Variants in ESF1 observed in about 807,000 individuals in gnomAD.
ESF1 encodes ESF1 nucleolar pre-rRNA processing protein, also known as ESF1 homolog.
A neutral mutation model predicts 92.0 loss-of-function variants in ESF1; 58 were observed. The observed-to-expected ratio is 0.63, with a 90% CI of 0.51 to 0.78. The LOEUF is 0.78. Among genes scored for constraint, ESF1 ranks in the 30% least tolerant of loss-of-function variants. The pLI is 0.00. For synonymous variants in ESF1, 321 were observed against 313.7 expected, an observed-to-expected ratio of 1.02 and a Z score of -0.24; for missense variants, 922 against 989.1, an observed-to-expected ratio of 0.93 and a Z score of 0.91.
chr20:13,727,984 A>G (rs2049913304), intron 11 of ESF1, among the ~76,000 whole-genome samples: 2 of 152,242 alleles, frequency 1.3e-5, no homozygotes, highest in Non-Finnish European at 2.9e-5. Flanking sequence ...TTCTTGATAG[A>G]CTTTGCTGAG....
At chr20:13,720,637 T>G (rs2147718257) in intron 11 of ESF1, among the ~76,000 whole-genome samples, 1 of 152,268 alleles carries the variant, frequency 6.6e-6, no homozygotes, top group Non-Finnish European at 1.5e-5. Flanking sequence ...TAGACTATAG[T>G]GAACTAAAAA....
chr20:13,761,645 C>T (rs1176537309), intron 8 of ESF1, among the ~76,000 whole-genome samples: 3 of 152,042 alleles, frequency 2.0e-5, no homozygotes, highest in East Asian at 3.9e-4. Flanking sequence ...CCAACGATCT[C>T]ATTAATATAT....
intron 11 of ESF1, among the ~76,000 whole-genome samples, chr20:13,720,319 G>C (rs147095304): frequency 7.7e-4 from 117 of 152,170 alleles, no homozygotes; most frequent in Admixed American, 6.2e-3. Context: ...ACCACCTAGA[G>C]AGCCTAAGAA....
At position 13,776,249 on chromosome 20, in the gene ESF1, CTTGTCA is replaced by C; in HGVS notation, c.653_658del (p.Met218_Thr219del). ...TGAGTTTTCATAACCATCACTGTCT[CTTGTCA>C]TTATGAGTTGAACCACTGCAAAATG... On this transcript the variant is annotated inframe_deletion, in exon 3 of 14. Transcript: ENST00000617257. The C allele has an allele frequency of 1.9e-6, 3 of 1,612,692 alleles. No individual in the cohort carries two copies. The highest frequency in any genetic ancestry group is 2.5e-6 in the Non-Finnish European group (3 of 1,179,518).
intron 9 of ESF1, among the ~76,000 whole-genome samples, chr20:13,755,911 T>TA (rs1306430225): frequency 6.6e-6 from 1 of 152,180 alleles, no homozygotes; most frequent in Non-Finnish European, 1.5e-5. Flanking sequence ...CAATAAATGT[T>TA]AGTGATTAAG....
At chr20:13,721,876 A>G (rs1054602079) in intron 11 of ESF1, among the ~76,000 whole-genome samples, 4 of 152,144 alleles carry the variant, frequency 2.6e-5, no homozygotes, top group African/African-American at 9.7e-5. Flanking sequence ...GGAATAATAT[A>G]CGAATCTTAA....
intron 9 of ESF1, among the ~76,000 whole-genome samples, chr20:13,756,011 G>A (rs1229207526): frequency 2.0e-5 from 3 of 152,134 alleles, no homozygotes; most frequent in Admixed American, 1.3e-4. Flanking sequence ...CTGACCCTCC[G>A]TGGTTTACTG....
chr20:13,741,999 T>C (rs958019455), intron 9 of ESF1, among the ~76,000 whole-genome samples: 2 of 152,130 alleles, frequency 1.3e-5, no homozygotes, highest in African/African-American at 4.8e-5. Context: ...ATGTTCAATC[T>C]CATTGGTGAC....
chr20:13,726,621 A>G (rs1025209207), intron 11 of ESF1, among the ~76,000 whole-genome samples: 1 of 152,164 alleles, frequency 6.6e-6, no homozygotes, highest in African/African-American at 2.4e-5. Flanking sequence ...CATACTATTT[A>G]TCTGTCTAAC....
intron 2 of ESF1, among the ~76,000 whole-genome samples, chr20:13,779,781 C>T (rs555556453): frequency 2.6e-5 from 4 of 152,296 alleles, no homozygotes; most frequent in African/African-American, 7.2e-5. Flanking sequence ...GCAATCCACC[C>T]GCCTCGGTCT....
intron 9 of ESF1, among the ~76,000 whole-genome samples, chr20:13,755,139 C>T (rs1168085948): frequency 6.6e-6 from 1 of 152,076 alleles, no homozygotes; most frequent in Non-Finnish European, 1.5e-5. Context: ...TAGAATAATT[C>T]CCGGCACAGA....
Position 13,782,655 on chromosome 20 carries a change from T to G in ESF1, c.486A>C (p.Thr162=). The part of the protein sequence containing the change: ...ISPKKDSKEF[T]QKNKKEKKNI... ...TTTTTTTCTCTTTCTTATTTTTTTG[T>G]GTAAATTCTTTGCTATCCTTCTTCG... is the stretch of plus-strand genomic sequence containing the variant. The change falls in exon 2 of 14, where the codon ACA becomes ACC. Residue 162 remains threonine (T), a synonymous_variant. Coordinates refer to ENST00000617257, the MANE Select transcript of ESF1 (RefSeq NM_001276380.2). The G allele has an allele frequency of 6.2e-7, 1 of 1,605,880 alleles. No individual in the cohort carries two copies. The highest frequency in any genetic ancestry group is 8.5e-7 in the Non-Finnish European group (1 of 1,177,690).
chr20:13,773,004 T>C (rs955611251), intron 4 of ESF1, among the ~76,000 whole-genome samples: 4 of 152,142 alleles, frequency 2.6e-5, no homozygotes, highest in African/African-American at 2.4e-5. Context: ...AATAAACATA[T>C]AATGAAGATC....
At chr20:13,761,392 T>C (rs1314154749) in intron 8 of ESF1, among the ~76,000 whole-genome samples, 2 of 134,370 alleles carry the variant, frequency 1.5e-5, no homozygotes, top group Middle Eastern at 3.8e-3. Flanking sequence ...AAAAAATAAA[T>C]AAAATAAAAA....
chr20:13,751,201 A>C (rs2147752744), intron 9 of ESF1, among the ~76,000 whole-genome samples: 1 of 152,350 alleles, frequency 6.6e-6, no homozygotes, highest in East Asian at 1.9e-4. Context: ...GAACATGTGC[A>C]ACGAAAAGTG....
Position 13,759,709 on chromosome 20 carries a change from T to G in ESF1, c.1811A>C (p.Glu604Ala), listed in dbSNP as rs77947586. The G allele has an allele frequency of 1.3e-4, 200 of 1,577,246 alleles. No homozygotes were observed. In the African/African-American group the frequency reaches 2.6e-3, roughly 21 times the overall value. Reference protein sequence around the residue: ...KKGKENDMEMEIKWVPGLKES... With the variant: ...KKGKENDMEMAIKWVPGLKES... ...ATTCTTACCTGGAACCCATTTAATT[T>G]CCATTTCCATATCATTTTCTTTGCC... Residue 604 changes from glutamate (E) to alanine (A), a missense_variant, in exon 9 of 14, where the codon GAA becomes GCA. Physicochemically the swap from Glu to Ala is moderately radical, Grantham distance 107. Coordinates refer to ENST00000617257, the MANE Select transcript of ESF1 (RefSeq NM_001276380.2).
At position 13,728,393 on chromosome 20, in the gene ESF1, C is replaced by G. The variant is rs761996367; in HGVS notation, c.2023G>C (p.Glu675Gln). Residue 675 changes from glutamate to glutamine, a missense_variant, in exon 11 of 14, where the codon GAA (glutamate) becomes CAA (glutamine). Physicochemically the swap from Glu to Gln is conservative, Grantham distance 29. Transcript: ENST00000617257. The stretch of plus-strand genomic sequence containing the variant: ...GCTGGCTTACCTATTTGTTTAACTT[C>G]TTCAGCAAAGTATGGGTCATTCAAA... ...VDLNDPYFAE[E>Q]VKQIGINKKS... 4 of 1,611,792 alleles carry G rather than the reference C, an allele frequency of 2.5e-6. No homozygotes were observed. The African/African-American group carries it at 5.3e-5, about 22-fold the overall frequency.
chr20:13,718,876 C>T, intron 12 of ESF1, 32 bp downstream of exon 12: 1 of 1,493,034 alleles, frequency 6.7e-7, no homozygotes, highest in South Asian at 1.2e-5. Flanking sequence ...TATGAATTAT[C>T]CACTAAGCAT....
chr20:13,746,721 G>A (rs1156851519), intron 9 of ESF1, among the ~76,000 whole-genome samples: 2 of 152,128 alleles, frequency 1.3e-5, no homozygotes, highest in Admixed American at 1.3e-4. Context: ...GCATTTCTAA[G>A]TCAATTTCAA....
Sources: gnomAD v4.1 joint callset for allele counts (sites outside exome capture counted in the v4.1 genomes callset) on GRCh38, gnomAD v4.1.1 for gene constraint, MANE v1.5 for transcripts, NCBI Gene and HGNC (gene_info 2026-07-23, HGNC 2026-07-21) for gene names.